The following FHIT variants were observed in gnomAD, a reference collection of about 807,000 sequenced individuals.
FHIT encodes the protein fragile histidine triad diadenosine triphosphatase, also known as bis(5'-adenosyl)-triphosphatase.
Under a neutral mutation model 17.9 loss-of-function variants are expected in FHIT, and 19 were observed. The observed-to-expected ratio is 1.06, with a 90% CI of 0.74 to 1.56. The LOEUF (loss-of-function observed/expected upper bound fraction) is 1.56, where lower values mean the gene tolerates loss of function less well. Among genes scored for constraint, FHIT ranks in the 40% most tolerant of loss-of-function variants. FHIT has a pLI of 0.00. For missense variants in FHIT, 248 were observed against 189.2 expected (o/e 1.31, Z -1.82); for synonymous variants, 81 against 69.7 (o/e 1.16, Z -0.81).
intron 8 of FHIT, among the ~76,000 whole-genome samples, chr3:59,757,144 C>T (rs1195011448): frequency 4.6e-5 from 7 of 152,102 alleles, no homozygotes; most frequent in Non-Finnish European, 1.5e-5. Flanking sequence ...CCTTCTGATG[C>T]AACAACAATA....
rs75353334 is a variant in FHIT, at chr3:60,872,916, A to T, written c.-110-50905T>A. On this transcript the variant is annotated intron_variant, in intron 3 of 9. Coordinates refer to ENST00000492590, the MANE Select transcript of FHIT (RefSeq NM_002012.4). ...TTTGCCTTTGAGTTCATAGACAAAG[A>T]TGCTTAAATTGTTCCCCGTTCAAAA... 2.4e-3 allele frequency among the ~76,000 whole-genome samples: 367 copies of T among 152,214 alleles called. 1 individual carries two copies. The highest frequency in any genetic ancestry group is 8.4e-3 in the African/African-American group (347 of 41,540).
intron 5 of FHIT, among the ~76,000 whole-genome samples, chr3:60,098,336 T>G (rs1408314450): frequency 1.4e-5 from 2 of 147,844 alleles, no homozygotes; most frequent in South Asian, 2.3e-4. Flanking sequence ...CCACCAACAG[T>G]GTAAAAGTGT....
At position 60,357,747 on chromosome 3, in the gene FHIT, T is replaced by C. The variant is rs74490327; in HGVS notation, c.103+179113A>G. The stretch of plus-strand genomic sequence containing the variant: ...CATATTGATACACATATTTAACATA[T>C]TGCAAAGCATATTTTAAAAGCATTG... On this transcript the variant is annotated intron_variant, in intron 5 of 9. Coordinates refer to ENST00000492590, the MANE Select transcript of FHIT (RefSeq NM_002012.4). Among the ~76,000 whole-genome samples the C allele has an allele frequency of 1.3e-3, 193 of 152,320 alleles. 1 individual carries two copies. The highest frequency in any genetic ancestry group is 4.5e-3 in the African/African-American group (187 of 41,582).
At chr3:60,244,304 G>T (rs575623801) in intron 5 of FHIT, among the ~76,000 whole-genome samples, 2 of 151,988 alleles carry the variant, frequency 1.3e-5, no homozygotes, top group African/African-American at 4.8e-5. Flanking sequence ...TGTATGGGGG[G>T]AGGGATGGAA....
intron 4 of FHIT, among the ~76,000 whole-genome samples, chr3:60,770,284 AG>A (rs1442295509): frequency 3.3e-5 from 5 of 151,850 alleles, no homozygotes; most frequent in African/African-American, 1.2e-4. Context: ...AAAAAAAAAA[AG>A]GAGTATTATT....
chr3:59,853,688 G>A (rs1029403638), intron 8 of FHIT, among the ~76,000 whole-genome samples: 2 of 152,114 alleles, frequency 1.3e-5, no homozygotes, highest in Non-Finnish European at 2.9e-5. Flanking sequence ...TATTGTGGGT[G>A]TGCATGTGTG....
At chr3:60,571,728 A>G (rs187584278) in intron 4 of FHIT, among the ~76,000 whole-genome samples, 21 of 152,304 alleles carry the variant, frequency 1.4e-4, no homozygotes, top group Admixed American at 5.2e-4. Context: ...ATGGTTACAC[A>G]ATAAGCAATA....
At chr3:60,043,851 G>A (rs971422817) in intron 5 of FHIT, among the ~76,000 whole-genome samples, 4 of 151,986 alleles carry the variant, frequency 2.6e-5, no homozygotes, top group African/African-American at 9.7e-5. Context: ...AGAGCCTAAT[G>A]TTTCTTTATA....
chr3:60,716,350 C>T (rs912042441), intron 4 of FHIT, among the ~76,000 whole-genome samples: 2 of 151,952 alleles, frequency 1.3e-5, no homozygotes, highest in East Asian at 3.8e-4. Flanking sequence ...TTCTTTATAT[C>T]CTTTTTCTAT....
intron 5 of FHIT, among the ~76,000 whole-genome samples, chr3:60,450,080 A>C (rs1158182752): frequency 1.3e-5 from 2 of 151,500 alleles, no homozygotes; most frequent in African/African-American, 4.9e-5. Context: ...AACATGAATG[A>C]AGCTTACGGG....
chr3:59,911,411 G>A (rs969671289), intron 8 of FHIT, among the ~76,000 whole-genome samples: 1 of 152,178 alleles, frequency 6.6e-6, no homozygotes, highest in African/African-American at 2.4e-5. Flanking sequence ...ACATGAAGGT[G>A]TGTGTTGACC....
At chr3:60,503,764 GTGT>G (rs1358189107) in intron 5 of FHIT, among the ~76,000 whole-genome samples, 1 of 152,176 alleles carries the variant, frequency 6.6e-6, no homozygotes, top group African/African-American at 2.4e-5. Flanking sequence ...ATGTAGAGTA[GTGT>G]TGTGTTCTAG....
At chr3:60,648,635 T>G (rs1254602777) in intron 4 of FHIT, among the ~76,000 whole-genome samples, 2 of 152,208 alleles carry the variant, frequency 1.3e-5, no homozygotes, top group African/African-American at 4.8e-5. Flanking sequence ...ACCTGTTACT[T>G]GATGAAGCAT....
intron 5 of FHIT, among the ~76,000 whole-genome samples, chr3:60,041,985 A>G (rs1701458514): frequency 6.6e-6 from 1 of 152,242 alleles, no homozygotes. Flanking sequence ...GAAGTATACA[A>G]TAAAAAAATA....
intron 5 of FHIT, among the ~76,000 whole-genome samples, chr3:60,187,021 C>G (rs1249509398): frequency 6.6e-6 from 1 of 152,132 alleles, no homozygotes; most frequent in Non-Finnish European, 1.5e-5. Flanking sequence ...TTTATCAAAA[C>G]TGAAATAGCT....
intron 3 of FHIT, among the ~76,000 whole-genome samples, chr3:61,021,085 G>T (rs2107645827): frequency 6.6e-6 from 1 of 152,168 alleles, no homozygotes; most frequent in East Asian, 1.9e-4. Context: ...ATAATACTGG[G>T]AGACTTTAAC....
At chr3:60,059,487 C>T (rs1310481226) in intron 5 of FHIT, among the ~76,000 whole-genome samples, 1 of 152,168 alleles carries the variant, frequency 6.6e-6, no homozygotes, top group Non-Finnish European at 1.5e-5. Context: ...AAAGGTCAAA[C>T]GTTACATGTG....
intron 3 of FHIT, among the ~76,000 whole-genome samples, chr3:60,945,297 T>C (rs1553775480): frequency 2.6e-5 from 4 of 152,218 alleles, no homozygotes; most frequent in African/African-American, 9.6e-5. Context: ...GAGAGTGGTA[T>C]GAGACTAGGT....
rs527632259 is a variant in FHIT at position 60,465,176 on chromosome 3, G to A, written c.103+71684C>T. Among the ~76,000 whole-genome samples, 7 of 152,092 alleles carry A rather than the reference G, an allele frequency of 4.6e-5. No individual in the cohort carries two copies. In the South Asian group the frequency reaches 1.5e-3, roughly 32 times the overall value. On this transcript the variant is annotated intron_variant, in intron 5 of 9. Coordinates refer to ENST00000492590, the MANE Select transcript of FHIT (RefSeq NM_002012.4). The stretch of plus-strand genomic sequence containing the variant: ...TTTGCCATTTGTATGTTTCTTTTGA[G>A]AAATGTCTATCCAGATCTCTGCTCA...
Sources: gnomAD v4.1 joint callset for allele counts (sites outside exome capture counted in the v4.1 genomes callset) on GRCh38, gnomAD v4.1.1 for gene constraint, MANE v1.5 for transcripts, NCBI Gene and HGNC (gene_info 2026-07-23, HGNC 2026-07-21) for gene names.